The following GNB4 variants were observed in gnomAD, a reference collection of about 807,000 sequenced individuals.
GNB4 encodes G protein subunit beta 4, also known as guanine nucleotide-binding protein subunit beta-4.
GNB4 carries 28 observed loss-of-function variants against 45.2 expected under a neutral mutation model. The ratio of observed to expected loss-of-function variants is 0.62; its 90% confidence interval spans 0.46 to 0.85. GNB4 has a LOEUF of 0.85. Ranked by LOEUF, GNB4 falls within the 40% of genes least tolerant of loss-of-function variation. The pLI is 0.00. For missense variants in GNB4, 321 were observed against 425.4 expected (o/e 0.75, Z 2.16); for synonymous variants, 132 against 143.7 (o/e 0.92, Z 0.58).
chr3:179,506,790 AT>A, the GNB4 span, among the ~76,000 whole-genome samples: 1 of 151,770 alleles, frequency 6.6e-6, no homozygotes, highest in Non-Finnish European at 1.5e-5. Context: ...TCTCTCTCTC[AT>A]TTTTTTCTAT....
At chr3:179,443,060 G>A (rs1246408759) in intron 1 of GNB4, among the ~76,000 whole-genome samples, 1 of 152,128 alleles carries the variant, frequency 6.6e-6, no homozygotes, top group Admixed American at 6.5e-5. Context: ...CACCATTAAA[G>A]GGTTAGAATA....
rs539539138 is a variant in GNB4, at chr3:179,448,783, G to A, written c.-43+2563C>T. Among the ~76,000 whole-genome samples the A allele has an allele frequency of 9.9e-5, 15 of 152,276 alleles. No homozygotes were observed. In the East Asian group the frequency reaches 2.9e-3, roughly 29 times the overall value. Reference sequence around the variant, plus strand: ...AACTACGCTTCCTCAAGGTGAGGTAGAGAAATGAGGCAGGGCCAGACGCCG... The same window carrying A: ...AACTACGCTTCCTCAAGGTGAGGTAAAGAAATGAGGCAGGGCCAGACGCCG... On this transcript the variant is annotated intron_variant, in intron 1 of 9. Coordinates refer to ENST00000232564, the MANE Select transcript of GNB4 (RefSeq NM_021629.4).
chr3:179,510,553 G>A, the GNB4 span, among the ~76,000 whole-genome samples: 29 of 152,126 alleles, frequency 1.9e-4, no homozygotes, highest in Middle Eastern at 6.8e-3. Context: ...CAGCAGAAAA[G>A]CAGAGGGGGG....
the GNB4 span, among the ~76,000 whole-genome samples, chr3:179,493,499 A>G: frequency 6.6e-6 from 1 of 151,386 alleles, no homozygotes; most frequent in Non-Finnish European, 1.5e-5. Context: ...GAACTCAAGC[A>G]CAAGTCTTTT....
chr3:179,413,093 G>A (rs780993558), intron 8 of GNB4, among the ~76,000 whole-genome samples: 2 of 151,808 alleles, frequency 1.3e-5, no homozygotes, highest in African/African-American at 4.8e-5. Flanking sequence ...TGGGAGGATC[G>A]CTTGAGCCCA....
At chr3:179,478,597 G>A in the GNB4 span, among the ~76,000 whole-genome samples, 3 of 152,126 alleles carry the variant, frequency 2.0e-5, no homozygotes, top group African/African-American at 7.2e-5. Context: ...AGGCTGGAGT[G>A]CAGTGGCATT....
Position 179,400,473 on chromosome 3 carries a change from T to C in GNB4, c.*740A>G, listed in dbSNP as rs145498008. On this transcript the variant is annotated 3_prime_UTR_variant, in exon 10 of 10. Coordinates refer to ENST00000232564, the MANE Select transcript of GNB4 (RefSeq NM_021629.4). ...AAGTGTCAACTGATCATAACCAGGC[T>C]TTTAAAATGTCAAGAACCATTTATA... 3 of 152,356 alleles carry C rather than the reference T, an allele frequency of 2.0e-5. No individual in the cohort carries two copies. In the East Asian group the frequency reaches 5.8e-4, roughly 29 times the overall value. 9.4% of individuals were successfully genotyped at this position (152,356 alleles called of 1,614,324 possible).
At chr3:179,401,873 GA>G (rs1167448735) in intron 9 of GNB4, among the ~76,000 whole-genome samples, 1 of 152,118 alleles carries the variant, frequency 6.6e-6, no homozygotes, top group African/African-American at 2.4e-5. Context: ...CTGAAACCAT[GA>G]AACTCATCTA....
intron 2 of GNB4, among the ~76,000 whole-genome samples, chr3:179,424,781 GTT>G (rs1346207995): frequency 2.6e-5 from 4 of 151,768 alleles, no homozygotes; most frequent in Non-Finnish European, 4.4e-5. Flanking sequence ...ACGTTTTTTT[GTT>G]TGTTTTTGTA....
chr3:179,505,599 G>A, the GNB4 span, among the ~76,000 whole-genome samples: 1 of 152,188 alleles, frequency 6.6e-6, no homozygotes, highest in Non-Finnish European at 1.5e-5. Flanking sequence ...TTTTATTCCT[G>A]CTCTCAATGA....
chr3:179,510,805 G>A, the GNB4 span, among the ~76,000 whole-genome samples: 1 of 152,136 alleles, frequency 6.6e-6, no homozygotes, highest in African/African-American at 2.4e-5. Flanking sequence ...CCCTTTGTAT[G>A]AATTATGTAT....
At chr3:179,482,358 T>A in the GNB4 span, among the ~76,000 whole-genome samples, 1 of 152,202 alleles carries the variant, frequency 6.6e-6, no homozygotes, top group African/African-American at 2.4e-5. Context: ...CATAAAGTAC[T>A]TAGAGTAAAA....
chr3:179,483,534 A>G, the GNB4 span, among the ~76,000 whole-genome samples: 1 of 152,164 alleles, frequency 6.6e-6, no homozygotes, highest in Non-Finnish European at 1.5e-5. Context: ...AAAGAAAGAA[A>G]GAAAGAAACC....
chr3:179,499,302 C>T, the GNB4 span, among the ~76,000 whole-genome samples: 7 of 152,042 alleles, frequency 4.6e-5, no homozygotes, highest in East Asian at 5.8e-4. Context: ...GGACTACAGG[C>T]GCCTGCCACC....
chr3:179,452,665 G>A (rs571340092), upstream of GNB4, among the ~76,000 whole-genome samples: 26 of 152,198 alleles, frequency 1.7e-4, no homozygotes, highest in South Asian at 5.2e-3. Context: ...AAGCCAGGCC[G>A]TGACAAAAAT....
chr3:179,457,866 T>C, the GNB4 span, among the ~76,000 whole-genome samples: 1 of 152,036 alleles, frequency 6.6e-6, no homozygotes, highest in Admixed American at 6.6e-5. Flanking sequence ...CTGAGCTACC[T>C]TTACAGCTTC....
At chr3:179,410,143 A>T (rs759707569) in intron 8 of GNB4, among the ~76,000 whole-genome samples, 3 of 152,216 alleles carry the variant, frequency 2.0e-5, no homozygotes, top group Non-Finnish European at 4.4e-5. Flanking sequence ...AGCCATGCAG[A>T]ACTGTGAGTC....
chr3:179,436,724 T>C lies in GNB4; in HGVS notation c.-42-10482A>G, dbSNP rs62408899. ...AAACCGTACAGCTGCATGGGGCAAG[T>C]GGATAAGAGAGGAAAACAGAAGTTG... On this transcript the variant is annotated intron_variant, in intron 1 of 9. Coordinates refer to ENST00000232564, the MANE Select transcript of GNB4 (RefSeq NM_021629.4). Among the ~76,000 whole-genome samples the C allele has an allele frequency of 3.0e-3, 452 of 152,320 alleles. 2 individuals carry two copies. The highest frequency in any genetic ancestry group is 4.8e-3 in the Non-Finnish European group (325 of 68,032).
At chr3:179,516,284 T>G in the GNB4 span, among the ~76,000 whole-genome samples, 1 of 152,158 alleles carries the variant, frequency 6.6e-6, no homozygotes, top group Admixed American at 6.5e-5. Context: ...TAAAGGCCAG[T>G]TCATTTTTGG....
Sources: gnomAD v4.1 joint callset for allele counts (sites outside exome capture counted in the v4.1 genomes callset) on GRCh38, gnomAD v4.1.1 for gene constraint, MANE v1.5 for transcripts, NCBI Gene and HGNC (gene_info 2026-07-23, HGNC 2026-07-21) for gene names.